The following TSPAN3 variants were observed in gnomAD, a reference collection of about 807,000 sequenced individuals.
The protein encoded by TSPAN3 is tetraspanin 3, also known as tetraspanin-3.
Under a neutral mutation model 31.1 loss-of-function variants are expected in TSPAN3, and 9 were observed. The ratio of observed to expected loss-of-function variants is 0.29; its 90% CI spans 0.17 to 0.50. The LOEUF is 0.50. Among genes scored for constraint, TSPAN3 ranks in the 20% least tolerant of loss-of-function variants. The pLI, the probability that TSPAN3 is intolerant of heterozygous loss-of-function variation, is 0.98. For synonymous variants in TSPAN3, 129 were observed against 114.3 expected (o/e 1.13, Z -0.82); for missense variants, 252 against 313.5 (o/e 0.80, Z 1.48).
At chr15:77,052,548 C>T in intron 5 of TSPAN3, 80 bp from the exon 6 acceptor site, 9 of 1,369,122 alleles carry the variant, frequency 6.6e-6, no homozygotes, top group Non-Finnish European at 9.3e-6. Flanking sequence ...TACCCACTTA[C>T]AGAAAGGAAA....
At position 77,046,323 on chromosome 15, in the gene TSPAN3, A is replaced by T. The variant is rs1449973163; in HGVS notation, c.*512T>A. On this transcript the variant is annotated 3_prime_UTR_variant, in exon 7 of 7. Coordinates refer to ENST00000267970, the MANE Select transcript of TSPAN3 (RefSeq NM_005724.6). ...GCCATATGATCCTACAATCTATTTT[A>T]GTCATTTTGTACAGCTGCTATCTTA... The T allele has an allele frequency of 5.0e-6, 2 of 400,130 alleles. No homozygotes were observed. Among genetic ancestry groups the T allele is most frequent in the Admixed American group, 8.7e-5 (2 of 23,028 alleles). The allele number at this position is 400,130 out of a possible 1,614,324, so 24.8% of individuals were successfully genotyped here.
At chr15:77,051,373 C>T (rs1016093379) in intron 6 of TSPAN3, among the ~76,000 whole-genome samples, 10 of 151,760 alleles carry the variant, frequency 6.6e-5, no homozygotes, top group Non-Finnish European at 1.5e-5. Context: ...ACTAAAAATA[C>T]AAAAATTAGC....
intron 6 of TSPAN3, among the ~76,000 whole-genome samples, chr15:77,050,913 T>A (rs1378324173): frequency 3.3e-5 from 5 of 152,128 alleles, no homozygotes; most frequent in Non-Finnish European, 4.4e-5. Context: ...AAGTAAACAA[T>A]CATCCTTTTG....
chr15:77,055,778 A>G lies in TSPAN3; in HGVS notation c.330+11T>C, dbSNP rs753616086. The stretch of plus-strand genomic sequence containing the variant: ...TTTAAGGCATTATGTGAATTACAGT[A>G]GACAACATACCTTTGCTCTGTAAAC... On this transcript the variant is annotated intron_variant, in intron 3 of 6. Coordinates refer to ENST00000267970, the MANE Select transcript of TSPAN3 (RefSeq NM_005724.6). 3.1e-6 allele frequency: 5 copies of G among 1,590,240 alleles called. No homozygotes were observed. In the South Asian group the frequency reaches 5.8e-5, roughly 18 times the overall value.
intron 1 of TSPAN3, chr15:77,064,608 T>A (rs1490392766): frequency 1.3e-5 from 2 of 152,260 alleles, no homozygotes; most frequent in African/African-American, 4.8e-5. Flanking sequence ...CACAAGGCTC[T>A]TGGTCAGTGG....
intron 3 of TSPAN3, chr15:77,054,978 A>G (rs539197309): frequency 5.9e-5 from 9 of 152,352 alleles, no homozygotes; most frequent in East Asian, 5.8e-4. Flanking sequence ...CAGTAATATC[A>G]TAAGTCCATA....
chr15:77,055,917 A>G, intron 2 of TSPAN3, 54 bp from the exon 3 acceptor site: 1 of 1,550,994 alleles, frequency 6.4e-7, no homozygotes, highest in Non-Finnish European at 8.7e-7. Context: ...AACTTTAAAT[A>G]CACTCTTGAT....
At position 77,046,429 on chromosome 15, in the gene TSPAN3, C is replaced by G. The variant is rs1417895053; in HGVS notation, c.*406G>C. ...TTAACCTTAACCAGAAAGCTGGTTT[C>G]CTCCTCCTCCCCGCAAAAACCTTTG... On this transcript the variant is annotated 3_prime_UTR_variant, in exon 7 of 7. Transcript: ENST00000267970. The G allele has an allele frequency of 2.5e-6, 1 of 406,868 alleles. No individual in the cohort carries two copies. The highest frequency in any genetic ancestry group is 4.3e-6 in the Non-Finnish European group (1 of 230,246). The allele number at this position is 406,868 out of a possible 1,614,324, so 25.2% of individuals were successfully genotyped here. A position where few individuals can be genotyped will look rare whatever the true frequency, so the allele number is the denominator to read the frequency against.
chr15:77,051,933 T>C (rs1182630085), intron 6 of TSPAN3, among the ~76,000 whole-genome samples: 3 of 152,102 alleles, frequency 2.0e-5, no homozygotes, highest in Non-Finnish European at 2.9e-5. Flanking sequence ...TATATGAATA[T>C]ATAAAACCTG....
intron 4 of TSPAN3, among the ~76,000 whole-genome samples, chr15:77,053,413 A>G (rs1346900990): frequency 7.6e-6 from 1 of 131,238 alleles, no homozygotes; most frequent in Non-Finnish European, 1.6e-5. Context: ...GCGCCACTGC[A>G]CTCCAGCCTG....
intron 1 of TSPAN3, among the ~76,000 whole-genome samples, chr15:77,063,117 A>G (rs938190829): frequency 4.6e-5 from 7 of 152,196 alleles, no homozygotes; most frequent in African/African-American, 1.7e-4. Context: ...TAACCAACCA[A>G]AAACAGACAC....
chr15:77,049,765 A>G (rs980539248), intron 6 of TSPAN3, among the ~76,000 whole-genome samples: 2 of 152,224 alleles, frequency 1.3e-5, no homozygotes, highest in African/African-American at 4.8e-5. Context: ...TTAAAGGGCC[A>G]TATCATAAAT....
chr15:77,071,019 T>A lies in TSPAN3; in HGVS notation c.-65A>T. 1.6e-6 allele frequency: 2 copies of A among 1,217,562 alleles called. No individual in the cohort carries two copies. Among genetic ancestry groups the A allele is most frequent in the Non-Finnish European group, 2.1e-6 (2 of 939,614 alleles). 75.4% of individuals were successfully genotyped at this position (1,217,562 alleles called of 1,614,324 possible). On this transcript the variant is annotated 5_prime_UTR_variant, in exon 1 of 7. Transcript: ENST00000267970. ...GCTGCGCTCACCGAGAGAGCGGCAA[T>A]GGCGGCGGCGCCTCCTCGCTAGGAA...
intron 1 of TSPAN3, chr15:77,064,748 A>G (rs1187954929): frequency 6.6e-6 from 1 of 152,270 alleles, no homozygotes; most frequent in Non-Finnish European, 1.5e-5. Flanking sequence ...TGAATTGAAA[A>G]CAAGCATGAA....
intron 6 of TSPAN3, among the ~76,000 whole-genome samples, chr15:77,049,664 G>C (rs970368181): frequency 6.6e-6 from 1 of 151,922 alleles, no homozygotes; most frequent in Non-Finnish European, 1.5e-5. Context: ...TAATTAATTG[G>C]TATTTTTCAG....
intron 5 of TSPAN3, 27 bp downstream of exon 5, chr15:77,052,750 G>C (rs1486753825): frequency 5.0e-6 from 8 of 1,607,394 alleles, no homozygotes; most frequent in Non-Finnish European, 6.8e-6. Flanking sequence ...AATCAAGCTA[G>C]ACTCAAGTCG....
intron 1 of TSPAN3, among the ~76,000 whole-genome samples, chr15:77,056,649 G>C (rs1292293021): frequency 6.6e-6 from 1 of 152,072 alleles, no homozygotes; most frequent in African/African-American, 2.4e-5. Context: ...AGAAATGACA[G>C]AGCTTGGATT....
intron 1 of TSPAN3, among the ~76,000 whole-genome samples, chr15:77,058,956 C>T (rs1271678506): frequency 6.6e-6 from 1 of 152,110 alleles, no homozygotes. Context: ...CAGCAAACTG[C>T]CTGTTCAAAG....
rs552439353 is a variant in TSPAN3, at chr15:77,060,656, T to G, written c.64-4401A>C. On this transcript the variant is annotated intron_variant, in intron 1 of 6. Transcript: ENST00000267970. ...TTGAAGGGCCATGATGGGATTGAGATCTATCAAAGGATCTGAGCTTTGCCA... is the reference window on the plus strand; with the variant it reads ...TTGAAGGGCCATGATGGGATTGAGAGCTATCAAAGGATCTGAGCTTTGCCA... Among the ~76,000 whole-genome samples the G allele has an allele frequency of 3.3e-5, 5 of 151,998 alleles. No individual in the cohort carries two copies. In the East Asian group the frequency reaches 9.7e-4, roughly 29 times the overall value.
Sources: gnomAD v4.1 joint callset for allele counts (sites outside exome capture counted in the v4.1 genomes callset) on GRCh38, gnomAD v4.1.1 for gene constraint, MANE v1.5 for transcripts, NCBI Gene and HGNC (gene_info 2026-07-23, HGNC 2026-07-21) for gene names.